HDAC9: variants seen among roughly 807,000 people sequenced by gnomAD.
The protein encoded by HDAC9 is histone deacetylase 9, also known as MEF-2 interacting transcription repressor (MITR) protein.
A neutral mutation model predicts 139.4 loss-of-function variants in HDAC9; 41 were observed. The observed-to-expected ratio is 0.29, with a 90% confidence interval of 0.23 to 0.38. The LOEUF (loss-of-function observed/expected upper bound fraction) is 0.38, where lower values mean the gene tolerates loss of function less well. HDAC9 is among the 10% of genes least tolerant of loss of function. The pLI is 1.00. For synonymous variants in HDAC9, 517 were observed against 476.2 expected, an observed-to-expected ratio of 1.09 and a Z score of -1.12; for missense variants, 1,147 against 1,297.0, an observed-to-expected ratio of 0.88 and a Z score of 1.78.
intron 4 of HDAC9, among the ~76,000 whole-genome samples, chr7:18,591,086 G>T (rs151250178): frequency 6.6e-6 from 1 of 151,972 alleles, no homozygotes; most frequent in Non-Finnish European, 1.5e-5. Context: ...TAAAAACTAA[G>T]GTTTTCAAAC....
intron 12 of HDAC9, among the ~76,000 whole-genome samples, chr7:18,681,730 C>A (rs528070273): frequency 6.6e-6 from 1 of 152,010 alleles, no homozygotes; most frequent in Non-Finnish European, 1.5e-5. Context: ...TGCCCATGGA[C>A]TTAATCCTGC....
At chr7:18,978,948 GT>G (rs912502662) in intron 25 of HDAC9, among the ~76,000 whole-genome samples, 15 of 149,666 alleles carry the variant, frequency 1.0e-4, no homozygotes, top group Middle Eastern at 3.4e-3. Context: ...GTGTGTGTGT[GT>G]TTTTTTTTTA....
chr7:18,332,218 G>T (rs116465573), intron 1 of HDAC9, among the ~76,000 whole-genome samples: 2 of 151,458 alleles, frequency 1.3e-5, no homozygotes, highest in South Asian at 4.2e-4. Flanking sequence ...AAATATTCTG[G>T]TAGAAATAAG....
intron 12 of HDAC9, among the ~76,000 whole-genome samples, chr7:18,706,884 G>T (rs1783969499): frequency 2.0e-5 from 3 of 152,186 alleles, no homozygotes; most frequent in African/African-American, 7.2e-5. Flanking sequence ...GTTAGGTCGA[G>T]GGTGCCTTGA....
chr7:18,923,772 C>A (rs1199083283), intron 22 of HDAC9, among the ~76,000 whole-genome samples: 1 of 152,046 alleles, frequency 6.6e-6, no homozygotes, highest in Non-Finnish European at 1.5e-5. Flanking sequence ...AGGAAAGACT[C>A]CCTTTTCATG....
chr7:18,300,977 CAAAT>C (rs1798502973), intron 1 of HDAC9, among the ~76,000 whole-genome samples: 1 of 151,902 alleles, frequency 6.6e-6, no homozygotes, highest in African/African-American at 2.4e-5. Context: ...AAACTCCTGT[CAAAT>C]AAAGAATTAT....
intron 2 of HDAC9, among the ~76,000 whole-genome samples, chr7:18,251,269 C>G (rs1202410950): frequency 6.6e-6 from 1 of 152,086 alleles, no homozygotes; most frequent in South Asian, 2.1e-4. Flanking sequence ...GAAAATTAAA[C>G]ACCGCATGTT....
intron 2 of HDAC9, among the ~76,000 whole-genome samples, chr7:18,180,520 C>T (rs937025325): frequency 2.0e-5 from 3 of 151,848 alleles, no homozygotes; most frequent in African/African-American, 7.3e-5. Context: ...TATTTGGTAC[C>T]TAGATTAGAT....
At chr7:18,838,246 G>T (rs926934274) in intron 21 of HDAC9, among the ~76,000 whole-genome samples, 1 of 151,958 alleles carries the variant, frequency 6.6e-6, no homozygotes, top group East Asian at 1.9e-4. Flanking sequence ...TACTTTCAGG[G>T]ATCATAATAT....
At chr7:18,406,651 A>C (rs1486752781) in intron 1 of HDAC9, among the ~76,000 whole-genome samples, 2 of 152,110 alleles carry the variant, frequency 1.3e-5, no homozygotes, top group African/African-American at 4.8e-5. Flanking sequence ...GGCCTTCCAA[A>C]GTGCTGGGAT....
At chr7:18,626,211 A>G (rs1157151726) in intron 6 of HDAC9, among the ~76,000 whole-genome samples, 1 of 152,136 alleles carries the variant, frequency 6.6e-6, no homozygotes, top group East Asian at 1.9e-4. Context: ...AGTGGCTTCC[A>G]GAGGGAGATG....
At chr7:18,285,338 A>G (rs568938914) in intron 2 of HDAC9, among the ~76,000 whole-genome samples, 1 of 152,240 alleles carries the variant, frequency 6.6e-6, no homozygotes, top group South Asian at 2.1e-4. Context: ...ACATAATTAT[A>G]CCATAATTTC....
At chr7:18,400,192 AATAATT>A (rs1787407434) in intron 1 of HDAC9, among the ~76,000 whole-genome samples, 1 of 152,184 alleles carries the variant, frequency 6.6e-6, no homozygotes, top group African/African-American at 2.4e-5. Context: ...AAGAGAGAAA[AATAATT>A]ATAAGGACTT....
chr7:18,908,648 AT>A (rs528434971), intron 22 of HDAC9, among the ~76,000 whole-genome samples: 2 of 151,574 alleles, frequency 1.3e-5, no homozygotes, highest in African/African-American at 2.4e-5. Context: ...TGCGGTATTT[AT>A]TTTTTTTGTG....
At chr7:18,910,089 T>C (rs1802613871) in intron 22 of HDAC9, among the ~76,000 whole-genome samples, 1 of 151,956 alleles carries the variant, frequency 6.6e-6, no homozygotes. Context: ...GATCAATCTC[T>C]CTCTTTACAT....
chr7:18,963,542 AT>A (rs1411188835), intron 24 of HDAC9, among the ~76,000 whole-genome samples: 1 of 152,208 alleles, frequency 6.6e-6, no homozygotes, highest in Non-Finnish European at 1.5e-5. Flanking sequence ...AATAAGACTT[AT>A]TTGTGGAGTT....
intron 1 of HDAC9, among the ~76,000 whole-genome samples, chr7:18,339,383 T>G (rs1781822959): frequency 1.3e-5 from 2 of 151,470 alleles, no homozygotes; most frequent in Non-Finnish European, 3.0e-5. Context: ...TTTCTTCTTT[T>G]CTACTATAGG....
In HDAC9 at chr7:18,590,197, A is replaced by G. The variant is rs534259811; in HGVS notation, c.265-139A>G. 13 of 907,530 alleles carry G rather than the reference A, an allele frequency of 1.4e-5. No homozygotes were observed. The Admixed American group carries it at 1.7e-4, about 12-fold the overall frequency. The allele number at this position is 907,530 out of a possible 1,614,324, so 56.2% of individuals were successfully genotyped here. On this transcript the variant is annotated intron_variant, in intron 3 of 25. Transcript: ENST00000686413. Reference sequence around the variant, plus strand: ...ATTAGTTGCTTGTCCTTAGATTTCAATGATTTACAGAAAAAGTGGGTACAA... The same window carrying G: ...ATTAGTTGCTTGTCCTTAGATTTCAGTGATTTACAGAAAAAGTGGGTACAA...
chr7:18,637,685 C>T (rs1021089066), intron 8 of HDAC9, among the ~76,000 whole-genome samples: 2 of 151,998 alleles, frequency 1.3e-5, no homozygotes, highest in African/African-American at 2.4e-5. Context: ...GAACTATGAT[C>T]CAAAAGGCCA....
Sources: gnomAD v4.1 joint callset for allele counts (sites outside exome capture counted in the v4.1 genomes callset) on GRCh38, gnomAD v4.1.1 for gene constraint, MANE v1.5 for transcripts, NCBI Gene and HGNC (gene_info 2026-07-23, HGNC 2026-07-21) for gene names.